Variants in CACHD1 observed in about 807,000 individuals in gnomAD.
The protein encoded by CACHD1 is cache domain containing 1, also known as VWFA and cache domain-containing protein 1.
In CACHD1, 71 loss-of-function variants were observed where a neutral mutation model predicts 138.7. The observed-to-expected ratio is 0.51, with a 90% CI of 0.42 to 0.62. CACHD1 has a LOEUF of 0.62. Among genes scored for constraint, CACHD1 ranks in the 20% least tolerant of loss-of-function variants. CACHD1 has a pLI of 0.00. For synonymous variants in CACHD1, 578 were observed against 591.5 expected (o/e 0.98, Z 0.33); for missense variants, 1,389 against 1,625.3 (o/e 0.85, Z 2.50).
intron 1 of CACHD1, among the ~76,000 whole-genome samples, chr1:64,536,468 G>A (rs537348173): frequency 5.9e-4 from 90 of 152,250 alleles, no homozygotes; most frequent in African/African-American, 2.1e-3. Flanking sequence ...TTCCCTTTCC[G>A]TTCCAACTGG....
At position 64,658,531 on chromosome 1, in the gene CACHD1, A is replaced by C. The variant is rs1340473331; in HGVS notation, c.1783-174A>C. ...AAGAAAAGAAAACAGAAAATACAAA[A>C]TTAGATACCTTCTATCACCCTATCC... is the stretch of plus-strand genomic sequence containing the variant. On this transcript the variant is annotated intron_variant, in intron 12 of 26. Transcript: ENST00000651257. Among the ~76,000 whole-genome samples, 3 of 152,214 alleles carry C rather than the reference A, an allele frequency of 2.0e-5. No individual in the cohort carries two copies. The East Asian group carries it at 5.8e-4, about 29-fold the overall frequency.
intron 8 of CACHD1, 82 bp from the exon 9 acceptor site, chr1:64,647,719 C>T (rs1003819117): frequency 4.2e-5 from 49 of 1,157,570 alleles, no homozygotes; most frequent in South Asian, 4.0e-4. Flanking sequence ...CATCCATGCC[C>T]GTATTTGATC....
chr1:64,566,147 A>G (rs909591340), intron 2 of CACHD1, among the ~76,000 whole-genome samples: 1 of 152,054 alleles, frequency 6.6e-6, no homozygotes, highest in African/African-American at 2.4e-5. Flanking sequence ...CTTACAGTTT[A>G]TCATGTAGGA....
intron 1 of CACHD1, among the ~76,000 whole-genome samples, chr1:64,539,648 T>C (rs1262390418): frequency 6.6e-6 from 1 of 152,216 alleles, no homozygotes; most frequent in African/African-American, 2.4e-5. Context: ...GGCTAGAATG[T>C]AGGGTCCAAA....
intron 1 of CACHD1, among the ~76,000 whole-genome samples, chr1:64,479,012 A>T (rs1356783520): frequency 6.6e-6 from 1 of 152,180 alleles, no homozygotes; most frequent in African/African-American, 2.4e-5. Context: ...TATGTGGGCC[A>T]AACCAAACAT....
At chr1:64,598,538 G>A (rs1647178917) in intron 3 of CACHD1, among the ~76,000 whole-genome samples, 1 of 152,192 alleles carries the variant, frequency 6.6e-6, no homozygotes. Flanking sequence ...CAGCAACTGT[G>A]CTAGACGTGA....
At chr1:64,535,804 C>G (rs1035450054) in intron 1 of CACHD1, among the ~76,000 whole-genome samples, 1 of 152,182 alleles carries the variant, frequency 6.6e-6, no homozygotes, top group Non-Finnish European at 1.5e-5. Flanking sequence ...CTGACCTCCC[C>G]TGGCTTCCTC....
At position 64,673,372 on chromosome 1, in the gene CACHD1, C is replaced by T; in HGVS notation, c.2635C>T (p.Leu879Phe). The change falls in exon 19 of 27, where the codon CTC becomes TTC. Residue 879 changes from leucine to phenylalanine, a missense_variant. By Grantham distance (22) the Leu-to-Phe change is conservative. Coordinates refer to ENST00000651257, the MANE Select transcript of CACHD1 (RefSeq NM_020925.4). The part of the protein sequence containing the change: ...HKEPLVANDI[L>F]NHPNFVKKNL... ...GGAGCCCCTGGTAGCAAATGATATC[C>T]TCAACCACCCCAACTTTGTAAAGAA... is the stretch of plus-strand genomic sequence containing the variant. 1 of 1,614,090 alleles carries T rather than the reference C, an allele frequency of 6.2e-7. No individual in the cohort carries two copies. The highest frequency in any genetic ancestry group is 8.5e-7 in the Non-Finnish European group (1 of 1,179,994).
At chr1:64,559,675 C>CA in intron 2 of CACHD1, among the ~76,000 whole-genome samples, 1 of 151,594 alleles carries the variant, frequency 6.6e-6, no homozygotes, top group South Asian at 2.1e-4. Flanking sequence ...ACAAACAAAC[C>CA]AAAAAAACAA....
Position 64,654,593 on chromosome 1 carries a change from G to T in CACHD1, c.1665-93G>T, listed in dbSNP as rs143553650. On this transcript the variant is annotated intron_variant, in intron 11 of 26. Coordinates refer to ENST00000651257, the MANE Select transcript of CACHD1 (RefSeq NM_020925.4). ...CTTCTTTGGTATTCGAAATCAGGAG[G>T]TGGCCATTGACTCAACAGCTTCTTC... 1.3e-3 allele frequency: 1,017 copies of T among 804,684 alleles called. 2 individuals carry two copies. The highest frequency in any genetic ancestry group is 1.8e-3 in the Non-Finnish European group (854 of 478,090). The allele number at this position is 804,684 out of a possible 1,614,324, so 49.8% of individuals were successfully genotyped here.
At chr1:64,528,321 A>G (rs1021806740) in intron 1 of CACHD1, among the ~76,000 whole-genome samples, 1 of 152,260 alleles carries the variant, frequency 6.6e-6, no homozygotes, top group Non-Finnish European at 1.5e-5. Context: ...ACTGTTAAAT[A>G]TTTAATGTGC....
At chr1:64,672,335 G>C (rs1363104089) in intron 17 of CACHD1, among the ~76,000 whole-genome samples, 1 of 152,172 alleles carries the variant, frequency 6.6e-6, no homozygotes, top group Admixed American at 6.5e-5. Flanking sequence ...GATTAAAGCA[G>C]TTCTAGCTTC....
At chr1:64,582,735 T>C (rs956661144) in intron 3 of CACHD1, among the ~76,000 whole-genome samples, 1 of 152,124 alleles carries the variant, frequency 6.6e-6, no homozygotes, top group Non-Finnish European at 1.5e-5. Flanking sequence ...CTATGGGAAA[T>C]GTGTTTTCAG....
chr1:64,606,421 G>C (rs1055881913), intron 4 of CACHD1, among the ~76,000 whole-genome samples: 1 of 152,166 alleles, frequency 6.6e-6, no homozygotes, highest in Non-Finnish European at 1.5e-5. Flanking sequence ...GAAACTGCAA[G>C]AAGGCCACTG....
At chr1:64,559,868 C>T (rs2100479806) in intron 2 of CACHD1, among the ~76,000 whole-genome samples, 1 of 152,068 alleles carries the variant, frequency 6.6e-6, no homozygotes, top group Admixed American at 6.6e-5. Flanking sequence ...TGCTGCTGTC[C>T]TTTTGTTTTT....
intron 3 of CACHD1, among the ~76,000 whole-genome samples, chr1:64,594,025 G>C (rs140846142): frequency 6.6e-6 from 1 of 152,066 alleles, no homozygotes; most frequent in Admixed American, 6.6e-5. Flanking sequence ...AGGCCGAGGC[G>C]TGGGGATCAT....
At chr1:64,541,147 T>G (rs775308798) in intron 1 of CACHD1, among the ~76,000 whole-genome samples, 29 of 152,258 alleles carry the variant, frequency 1.9e-4, no homozygotes, top group Non-Finnish European at 1.3e-4. Flanking sequence ...TTTTGCTAGC[T>G]GGTTGAGTAC....
Position 64,686,319 on chromosome 1 carries a change from T to C in CACHD1, c.3586+4213T>C, listed in dbSNP as rs144948076. On this transcript the variant is annotated intron_variant, in intron 26 of 26. Coordinates refer to ENST00000651257, the MANE Select transcript of CACHD1 (RefSeq NM_020925.4). ...TGAGTTCAGAGTTGTGATCCTAGAATTGAATGAAAATTGAATGTTACCAAA... is the reference window on the plus strand; with the variant it reads ...TGAGTTCAGAGTTGTGATCCTAGAACTGAATGAAAATTGAATGTTACCAAA... Among the ~76,000 whole-genome samples, 150 of 152,332 alleles carry C rather than the reference T, an allele frequency of 9.8e-4. 3 individuals carry two copies. The highest frequency in any genetic ancestry group is 3.4e-3 in the African/African-American group (142 of 41,582).
rs1192533322 is a variant in CACHD1, at chr1:64,586,390, T to G, written c.410+4086T>G. On this transcript the variant is annotated intron_variant, in intron 3 of 26. Coordinates refer to ENST00000651257, the MANE Select transcript of CACHD1 (RefSeq NM_020925.4). ...GCACCCAGCTGACACTTTCCTATAT[T>G]CCAATCCTTCCAAAAATGTCTCTAT... is the stretch of plus-strand genomic sequence containing the variant. Among the ~76,000 whole-genome samples, 4 of 152,186 alleles carry G rather than the reference T, an allele frequency of 2.6e-5. No homozygotes were observed. In the East Asian group the frequency reaches 5.8e-4, roughly 22 times the overall value.
Sources: allele counts gnomAD v4.1 joint callset (sites outside exome capture counted in the v4.1 genomes callset), GRCh38; gene constraint gnomAD v4.1.1; transcripts MANE v1.5; gene names NCBI Gene and HGNC (gene_info 2026-07-23, HGNC 2026-07-21).